Variants in ABCA1 observed in about 807,000 individuals in gnomAD.
ABCA1 encodes phospholipid-transporting ATPase ABCA1.
A neutral mutation model predicts 262.5 loss-of-function variants in ABCA1; 133 were observed. That is an observed-to-expected ratio of 0.51 (90% CI 0.44 to 0.59). ABCA1 has a LOEUF of 0.59. Among genes scored for constraint, ABCA1 ranks in the 20% least tolerant of loss-of-function variants. The probability of loss-of-function intolerance (pLI) is 0.00; values close to 1 mark genes in which losing one functional copy is unlikely to be tolerated. For synonymous variants in ABCA1, 1,022 were observed against 1,043.5 expected, an observed-to-expected ratio of 0.98 and a Z score of 0.40; for missense variants, 2,452 against 2,777.5, an observed-to-expected ratio of 0.88 and a Z score of 2.63.
chr9:104,884,696 T>C (rs897110936), intron 3 of ABCA1, 128 bp from the exon 4 acceptor site: 20 of 1,120,394 alleles, frequency 1.8e-5, no homozygotes, highest in Non-Finnish European at 2.4e-5. Context: ...CAGAGACCTG[T>C]CTCTTCTGAA....
chr9:104,811,024 C>T (rs960416363), intron 28 of ABCA1, 100 bp from the exon 29 acceptor site: 15 of 1,551,664 alleles, frequency 9.7e-6, no homozygotes, highest in African/African-American at 9.5e-5. Flanking sequence ...CCCACCTCCC[C>T]GACCAACCAG....
intron 9 of ABCA1, among the ~76,000 whole-genome samples, chr9:104,838,136 A>C (rs970088830): frequency 3.3e-5 from 5 of 150,800 alleles, no homozygotes; most frequent in African/African-American, 1.2e-4. Context: ...GACCAGCCTG[A>C]CCAACATGGA....
At chr9:104,808,729 A>G (rs1198745830) in intron 30 of ABCA1, among the ~76,000 whole-genome samples, 1 of 152,098 alleles carries the variant, frequency 6.6e-6, no homozygotes, top group Admixed American at 6.5e-5. Context: ...CCCCTCTCCA[A>G]TTCTCCAGCA....
chr9:104,862,684 C>CGGGCAGGGCA lies in ABCA1; in HGVS notation c.422-885_422-884insTGCCCTGCCC, dbSNP rs1298786032. On this transcript the variant is annotated intron_variant, in intron 5 of 49. Transcript: ENST00000374736. ...CGGGCCGGGCCGGGCCGGGCCGGGC[C>CGGGCAGGGCA]GGGCCGGGCCGGGCCGGCCCCCACC... 9.0e-4 allele frequency among the ~76,000 whole-genome samples: 8 copies of CGGGCAGGGCA among 8,846 alleles called. 2 individuals carry two copies. The highest frequency in any genetic ancestry group is 3.7e-3 in the African/African-American group (8 of 2,142). The allele number at this position is 8,846 out of a possible 152,430, so 5.8% of individuals were successfully genotyped here. A position where few individuals can be genotyped will look rare whatever the true frequency, so the allele number is the denominator to read the frequency against.
chr9:104,816,859 C>T lies in ABCA1; in HGVS notation c.3535+473G>A, dbSNP rs149087233. Among the ~76,000 whole-genome samples the T allele has an allele frequency of 4.1e-3, 631 of 152,266 alleles. 6 individuals are homozygous for T. The highest frequency in any genetic ancestry group is 0.02 in the Middle Eastern group (6 of 294). On this transcript the variant is annotated intron_variant, in intron 24 of 49. Transcript: ENST00000374736. ...CAGAAGCCTTCCTGGGAAAAGCCAGCCATTAGGACTAGGCAGAGATAGCAA... is the reference window on the plus strand; with the variant it reads ...CAGAAGCCTTCCTGGGAAAAGCCAGTCATTAGGACTAGGCAGAGATAGCAA...
At chr9:104,790,456 A>G (rs948706864) in intron 44 of ABCA1, among the ~76,000 whole-genome samples, 2 of 152,240 alleles carry the variant, frequency 1.3e-5, no homozygotes, top group African/African-American at 4.8e-5. Context: ...TAGGAAATGT[A>G]ACCCACTGGG....
At chr9:104,811,056 G>T in intron 28 of ABCA1, 132 bp from the exon 29 acceptor site, 3 of 1,330,966 alleles carry the variant, frequency 2.3e-6, no homozygotes, top group Non-Finnish European at 3.1e-6. Flanking sequence ...GGAATGCAGG[G>T]CCTATGACTG....
rs770951313 is a variant in ABCA1 at position 104,812,737 on chromosome 9, C to A, written c.3902-15G>T. The A allele has an allele frequency of 6.2e-7, 1 of 1,614,098 alleles. No homozygotes were observed. The highest frequency in any genetic ancestry group is 1.3e-5 in the African/African-American group (1 of 74,948). On this transcript the variant is annotated splice_polypyrimidine_tract_variant and intron_variant, in intron 27 of 49. Coordinates refer to ENST00000374736, the MANE Select transcript of ABCA1 (RefSeq NM_005502.4). Reference sequence around the variant, plus strand: ...CTCTCTGGATTCTGCAAGAAGCCAACACTGAAGGTCACCTATTATCTTAGG... The same window carrying A: ...CTCTCTGGATTCTGCAAGAAGCCAAAACTGAAGGTCACCTATTATCTTAGG...
chr9:104,892,919 G>T (rs1212300454), intron 2 of ABCA1, among the ~76,000 whole-genome samples: 1 of 152,054 alleles, frequency 6.6e-6, no homozygotes, highest in Non-Finnish European at 1.5e-5. Flanking sequence ...ATTCAATTAT[G>T]GTACATGTAC....
Position 104,840,480 on chromosome 9 carries a change from C to T in ABCA1, c.853G>A (p.Val285Met), listed in dbSNP as rs780686919. The T allele has an allele frequency of 1.4e-5, 22 of 1,613,988 alleles. No homozygotes were observed. Among genetic ancestry groups the T allele is most frequent in the Middle Eastern group, 1.6e-4 (1 of 6,084 alleles). Reference protein sequence around the residue: ...MRSWSDMRQEVMFLTNVNSSS... With the variant: ...MRSWSDMRQEMMFLTNVNSSS... ...CTGTTCACATTGGTCAGAAACATCACCTCCTGTCGCATGTCACTCCAGCTT... is the reference window on the plus strand; with the variant it reads ...CTGTTCACATTGGTCAGAAACATCATCTCCTGTCGCATGTCACTCCAGCTT... Residue 285 changes from valine to methionine, a missense_variant, in exon 9 of 50, where the codon GTG (valine) becomes ATG (methionine). Transcript: ENST00000374736.
At position 104,817,200 on chromosome 9, in the gene ABCA1, C is replaced by T. The variant is rs1390493608; in HGVS notation, c.3535+132G>A. Reference sequence around the variant, plus strand: ...ACCAAGCTGCTCCCACACCCGCAGCCACCCAGCCCCAGCCCAGCAGCAAAC... The same window carrying T: ...ACCAAGCTGCTCCCACACCCGCAGCTACCCAGCCCCAGCCCAGCAGCAAAC... On this transcript the variant is annotated intron_variant, in intron 24 of 49. Coordinates refer to ENST00000374736, the MANE Select transcript of ABCA1 (RefSeq NM_005502.4). This position sits in a 1 kb window ranked among gnomAD's most constrained non-coding sequence, Gnocchi z 4.7. 1.3e-6 allele frequency: 2 copies of T among 1,573,384 alleles called. No individual in the cohort carries two copies. Among genetic ancestry groups the T allele is most frequent in the Non-Finnish European group, 8.6e-7 (1 of 1,163,782 alleles).
At position 104,816,328 on chromosome 9, in the gene ABCA1, T is replaced by G. The variant is rs1564120832; in HGVS notation, c.3553A>C (p.Asn1185His). 3 of 1,613,872 alleles carry G rather than the reference T, an allele frequency of 1.9e-6. No individual in the cohort carries two copies. Among genetic ancestry groups the G allele is most frequent in the Admixed American group, 1.7e-5 (1 of 59,996 alleles). The change falls in exon 25 of 50, where the codon AAC becomes CAC. Residue 1185 changes from asparagine (N) to histidine (H), a missense_variant. Physicochemically the swap from Asn to His is moderately conservative, Grantham distance 68 (BLOSUM62 1). This residue lies in a region of ABCA1 where 665 missense variants were observed against 727.3 expected (regional missense o/e 0.91). Transcript: ENST00000374736. Reference protein sequence around the residue: ...TLTIDVSAISNLIRKHVSEAR... With the variant: ...TLTIDVSAISHLIRKHVSEAR... ...TCAGACACATGCTTCCTGATGAGGT[T>G]GGAGATAGCAGAGACATCTGCAGGG...
intron 5 of ABCA1, among the ~76,000 whole-genome samples, chr9:104,875,290 C>T (rs1343491275): frequency 1.3e-5 from 2 of 149,966 alleles, no homozygotes; most frequent in Admixed American, 1.3e-4. Context: ...TCGCAGTGAG[C>T]CGAGATCACA....
intron 5 of ABCA1, among the ~76,000 whole-genome samples, chr9:104,862,641 G>GCCCCCA (rs1564197815): frequency 2.0e-3 from 4 of 2,002 alleles, no homozygotes; most frequent in Non-Finnish European, 4.9e-3. Context: ...TGCCGGGCCG[G>GCCCCCA]GCCGGGCCGG....
chr9:104,870,525 T>C (rs1401693438), intron 5 of ABCA1, among the ~76,000 whole-genome samples: 1 of 152,242 alleles, frequency 6.6e-6, no homozygotes, highest in Non-Finnish European at 1.5e-5. Context: ...GATTTGAACG[T>C]GTCCCCCCTC....
At chr9:104,877,881 T>A (rs1301142948) in intron 5 of ABCA1, among the ~76,000 whole-genome samples, 1 of 152,260 alleles carries the variant, frequency 6.6e-6, no homozygotes, top group Non-Finnish European at 1.5e-5. Flanking sequence ...ATTTACAAAC[T>A]ACTCTCACAA....
intron 29 of ABCA1, among the ~76,000 whole-genome samples, chr9:104,810,196 TG>T (rs1831158917): frequency 6.7e-6 from 1 of 149,734 alleles, no homozygotes; most frequent in African/African-American, 2.4e-5. Context: ...GCTTCCCTTT[TG>T]TATCACTGAC....
Position 104,814,537 on chromosome 9 carries a change from C to A in ABCA1, c.3739-62G>T, listed in dbSNP as rs867047022. On this transcript the variant is annotated intron_variant, in intron 25 of 49. Transcript: ENST00000374736. ...AACATTACGAGAGTAGTCACCACTGCCACGATTATTATATTACTGAGTGGC... is the reference window on the plus strand; with the variant it reads ...AACATTACGAGAGTAGTCACCACTGACACGATTATTATATTACTGAGTGGC... 3.4e-6 allele frequency: 5 copies of A among 1,470,226 alleles called. 1 individual carries two copies. Among genetic ancestry groups the A allele is most frequent in the Middle Eastern group, 1.7e-4 (1 of 5,806 alleles). 91.1% of individuals were successfully genotyped at this position (1,470,226 alleles called of 1,614,324 possible).
chr9:104,924,179 G>T (rs1170739345), intron 1 of ABCA1, among the ~76,000 whole-genome samples: 1 of 152,238 alleles, frequency 6.6e-6, no homozygotes, highest in Non-Finnish European at 1.5e-5. Context: ...GAAGATGGTT[G>T]CATTTTTTGG....
Sources: allele counts gnomAD v4.1 joint callset (sites outside exome capture counted in the v4.1 genomes callset), GRCh38; gene constraint gnomAD v4.1.1; regional missense constraint gnomAD v4.1.1; non-coding constraint Gnocchi (gnomAD v3.1); transcripts MANE v1.5; gene names NCBI Gene and HGNC (gene_info 2026-07-23, HGNC 2026-07-21).